The following ARHGAP20 variants were observed in gnomAD, a reference collection of about 807,000 sequenced individuals.
ARHGAP20 encodes the protein rho GTPase-activating protein 20.
ARHGAP20 carries 34 observed loss-of-function variants against 73.7 expected under a neutral mutation model. That is an observed-to-expected ratio of 0.46 (90% CI 0.35 to 0.61). The LOEUF (loss-of-function observed/expected upper bound fraction) is 0.61, where lower values mean the gene tolerates loss of function less well. Ranked by LOEUF, ARHGAP20 falls within the 20% of genes least tolerant of loss-of-function variation. The pLI is 0.00. For synonymous variants in ARHGAP20, 523 were observed against 518.2 expected (o/e 1.01, Z -0.13); for missense variants, 1,314 against 1,420.9 (o/e 0.92, Z 1.21).
chr11:110,673,928 G>A (rs1050556972), intron 2 of ARHGAP20, among the ~76,000 whole-genome samples: 9 of 149,564 alleles, frequency 6.0e-5, no homozygotes, highest in African/African-American at 2.0e-4. Flanking sequence ...TAATAGTTGT[G>A]AGAACGAAGG....
intron 2 of ARHGAP20, among the ~76,000 whole-genome samples, chr11:110,689,729 A>T (rs1415992137): frequency 6.6e-6 from 1 of 152,100 alleles, no homozygotes; most frequent in Non-Finnish European, 1.5e-5. Context: ...TTAATTGGTC[A>T]CAGCTGGCAC....
At chr11:110,710,771 T>C (rs1950634209) in intron 1 of ARHGAP20, among the ~76,000 whole-genome samples, 1 of 152,192 alleles carries the variant, frequency 6.6e-6, no homozygotes, top group Non-Finnish European at 1.5e-5. Flanking sequence ...CACACATTTC[T>C]ATACTCGGCA....
At chr11:110,623,999 G>A (rs1230546263) in intron 4 of ARHGAP20, among the ~76,000 whole-genome samples, 163 bp downstream of exon 4, 1 of 152,226 alleles carries the variant, frequency 6.6e-6, no homozygotes, top group Admixed American at 6.5e-5. Context: ...TTGGTTGGGT[G>A]TATGTGTCAA....
chr11:110,662,033 G>A (rs1949624343), intron 2 of ARHGAP20, among the ~76,000 whole-genome samples: 1 of 151,920 alleles, frequency 6.6e-6, no homozygotes. Flanking sequence ...TGTAGAAAGG[G>A]AAGAAAAGTA....
chr11:110,609,416 G>A (rs534720111), intron 7 of ARHGAP20, among the ~76,000 whole-genome samples: 37 of 152,236 alleles, frequency 2.4e-4, no homozygotes, highest in African/African-American at 8.4e-4. Context: ...CTATGTCTAT[G>A]ATTAAAAAGT....
At chr11:110,644,560 C>T (rs558202319) in intron 2 of ARHGAP20, among the ~76,000 whole-genome samples, 2 of 152,178 alleles carry the variant, frequency 1.3e-5, no homozygotes, top group Admixed American at 1.3e-4. Flanking sequence ...GAAAGACTCC[C>T]TATTCAATAA....
In ARHGAP20 at chr11:110,579,737, G is replaced by C. The variant is rs750434395; in HGVS notation, c.3209C>G (p.Pro1070Arg). 3 of 1,613,812 alleles carry C rather than the reference G, an allele frequency of 1.9e-6. No homozygotes were observed. The highest frequency in any genetic ancestry group is 1.3e-5 in the African/African-American group (1 of 74,842). Residue 1070 changes from proline to arginine, a missense_variant, in exon 15 of 15, where the codon CCC (proline) becomes CGC (arginine). Transcript: ENST00000683387. ...AGAAGCATGTGGGGGTGGCTCTAAGGGTCCTTTTGGAGAAGCTATTTTCTC... is the reference window on the plus strand; with the variant it reads ...AGAAGCATGTGGGGGTGGCTCTAAGCGTCCTTTTGGAGAAGCTATTTTCTC... ...EEEKIASPKG[P>R]LEPPPHASGV...
At chr11:110,650,326 T>G (rs966766495) in intron 2 of ARHGAP20, among the ~76,000 whole-genome samples, 1 of 152,152 alleles carries the variant, frequency 6.6e-6, no homozygotes, top group Non-Finnish European at 1.5e-5. Flanking sequence ...CAAAACAGCA[T>G]CCTTAGTTTC....
intron 2 of ARHGAP20, among the ~76,000 whole-genome samples, chr11:110,646,968 AT>A (rs1204560508): frequency 6.6e-5 from 10 of 152,162 alleles, no homozygotes; most frequent in Admixed American, 6.6e-4. Flanking sequence ...TTCAAAAAAA[AT>A]AATAGTAATA....
At chr11:110,600,560 G>GT (rs902123650) in intron 9 of ARHGAP20, among the ~76,000 whole-genome samples, 2 of 152,270 alleles carry the variant, frequency 1.3e-5, no homozygotes, top group African/African-American at 4.8e-5. Flanking sequence ...CAGGCCAGTA[G>GT]TAAGAGCCAA....
chr11:110,685,951 A>G (rs1442595982), intron 2 of ARHGAP20, among the ~76,000 whole-genome samples: 2 of 152,210 alleles, frequency 1.3e-5, no homozygotes, highest in African/African-American at 2.4e-5. Context: ...ATTTTGCTGT[A>G]TAAAGTACCA....
chr11:110,641,925 T>C (rs1377761771), intron 2 of ARHGAP20, among the ~76,000 whole-genome samples: 1 of 152,058 alleles, frequency 6.6e-6, no homozygotes, highest in Non-Finnish European at 1.5e-5. Flanking sequence ...GAAATTTATA[T>C]GTGTAATGAT....
chr11:110,625,227 C>T (rs1948717503), intron 3 of ARHGAP20, among the ~76,000 whole-genome samples: 1 of 150,620 alleles, frequency 6.6e-6, no homozygotes. Flanking sequence ...TTAGTAGAGA[C>T]GGGGTTTCAC....
chr11:110,649,685 T>C (rs184156656), intron 2 of ARHGAP20, among the ~76,000 whole-genome samples: 1 of 152,130 alleles, frequency 6.6e-6, no homozygotes, highest in African/African-American at 2.4e-5. Context: ...AGAAAAAAAC[T>C]GTAGAATAAA....
chr11:110,673,808 T>A (rs1949875682), intron 2 of ARHGAP20, among the ~76,000 whole-genome samples: 1 of 152,190 alleles, frequency 6.6e-6, no homozygotes, highest in South Asian at 2.1e-4. Flanking sequence ...CTTGGTACAG[T>A]CTTTATCTTA....
intron 9 of ARHGAP20, among the ~76,000 whole-genome samples, chr11:110,605,712 A>T (rs1948209459): frequency 6.6e-6 from 1 of 152,236 alleles, no homozygotes; most frequent in Non-Finnish European, 1.5e-5. Context: ...CACTCAGATG[A>T]TGCCAATAAT....
At position 110,623,388 on chromosome 11, in the gene ARHGAP20, C is replaced by T. The variant is rs572765063; in HGVS notation, c.503+774G>A. 2.0e-5 allele frequency among the ~76,000 whole-genome samples: 3 copies of T among 152,266 alleles called. No individual in the cohort carries two copies. The East Asian group carries it at 5.8e-4, about 29-fold the overall frequency. On this transcript the variant is annotated intron_variant, in intron 4 of 14. Transcript: ENST00000683387. The stretch of plus-strand genomic sequence containing the variant: ...AATCACAGGTGTGATTGTGATTGTT[C>T]ACTCTGAACTGGACAGTGCCAATAA...
chr11:110,630,699 G>C lies in ARHGAP20; in HGVS notation c.282C>G (p.Leu94=). ...GCTCCTGCCTCTGGAGGCCTCTTTT[G>C]AGTTCTGCCCGGCCATCAATCAGCA... ...RTLLIDGRAE[L]KRGLQRQERH... Residue 94 remains leucine, a synonymous_variant, in exon 3 of 15, where the codon CTC becomes CTG. Transcript: ENST00000683387. 1.2e-6 allele frequency: 2 copies of C among 1,614,088 alleles called. No homozygotes were observed. The highest frequency in any genetic ancestry group is 1.7e-6 in the Non-Finnish European group (2 of 1,179,982).
At chr11:110,660,509 G>A in intron 2 of ARHGAP20, among the ~76,000 whole-genome samples, 1 of 152,246 alleles carries the variant, frequency 6.6e-6, no homozygotes, top group African/African-American at 2.4e-5. Flanking sequence ...GTGCTGGCAG[G>A]TCAACCTTTT....
Sources: allele counts gnomAD v4.1 joint callset (sites outside exome capture counted in the v4.1 genomes callset), GRCh38; gene constraint gnomAD v4.1.1; transcripts MANE v1.5; gene names NCBI Gene and HGNC (gene_info 2026-07-23, HGNC 2026-07-21).